The following RIN3 variants were observed in gnomAD, a reference collection of about 807,000 sequenced individuals.
RIN3 encodes Ras and Rab interactor 3.
A neutral mutation model predicts 76.3 loss-of-function variants in RIN3; 54 were observed. The ratio of observed to expected loss-of-function variants is 0.71; its 90% confidence interval spans 0.57 to 0.89. The LOEUF (loss-of-function observed/expected upper bound fraction) is 0.89. Among genes scored for constraint, RIN3 ranks in the 40% least tolerant of loss-of-function variants. The pLI is 0.00. For missense variants in RIN3, 1,256 were observed against 1,322.1 expected, an observed-to-expected ratio of 0.95 and a Z score of 0.78; for synonymous variants, 576 against 564.0, an observed-to-expected ratio of 1.02 and a Z score of -0.30.
chr14:92,688,209 G>A lies in RIN3; in HGVS notation c.2915G>A (p.Gly972Glu). Reference protein sequence around the residue: ...PLDGGGGGGGGSPPCLVVREP... With the variant: ...PLDGGGGGGGESPPCLVVREP... Reference sequence around the variant, plus strand: ...GACGGTGGTGGCGGCGGCGGCGGCGGGAGCCCGCCCTGCCTGGTGGTGCGG... The same window carrying A: ...GACGGTGGTGGCGGCGGCGGCGGCGAGAGCCCGCCCTGCCTGGTGGTGCGG... The change falls in exon 10 of 10, where the codon GGG becomes GAG. Residue 972 changes from glycine (G) to glutamate (E), a missense_variant. Physicochemically the swap from Gly to Glu is moderately conservative, Grantham distance 98. This residue lies in a region of RIN3 where 218 missense variants were observed against 174.5 expected (regional missense o/e 1.25). Transcript: ENST00000216487. 3.1e-6 allele frequency: 5 copies of A among 1,603,974 alleles called. No homozygotes were observed. Among genetic ancestry groups the A allele is most frequent in the Non-Finnish European group, 4.2e-6 (5 of 1,176,928 alleles).
chr14:92,575,065 C>T (rs927364619), intron 2 of RIN3, among the ~76,000 whole-genome samples: 1 of 152,092 alleles, frequency 6.6e-6, no homozygotes, highest in Non-Finnish European at 1.5e-5. Context: ...ATCATAGAAT[C>T]TAATGCACTA....
chr14:92,570,177 C>T (rs940751260), intron 2 of RIN3, among the ~76,000 whole-genome samples: 1 of 152,174 alleles, frequency 6.6e-6, no homozygotes, highest in African/African-American at 2.4e-5. Context: ...TAGGAGGGCT[C>T]CAGCCTCAGC....
chr14:92,607,624 A>G (rs1885574801), intron 3 of RIN3, among the ~76,000 whole-genome samples: 1 of 152,196 alleles, frequency 6.6e-6, no homozygotes, highest in Non-Finnish European at 1.5e-5. Flanking sequence ...AAGGATGGGA[A>G]ACTACAGATG....
In RIN3 at chr14:92,685,685, C is replaced by G. The variant is rs1482029813; in HGVS notation, c.2631+535C>G. 1.4e-5 allele frequency: 2 copies of G among 145,574 alleles called. No homozygotes were observed. Among genetic ancestry groups the G allele is most frequent in the African/African-American group, 5.1e-5 (2 of 38,840 alleles). 9.0% of individuals were successfully genotyped at this position (145,574 alleles called of 1,614,324 possible). ...CTCCATCACCCCACCCACCCCCAGG[C>G]TGCATCAAATCCAGCTGCCCCCAGT... On this transcript the variant is annotated intron_variant, in intron 9 of 9. Coordinates refer to ENST00000216487, the MANE Select transcript of RIN3 (RefSeq NM_024832.5). This position sits in a 1 kb window ranked among gnomAD's most constrained non-coding sequence, Gnocchi z 4.7.
Position 92,688,028 on chromosome 14 carries a change from A to G in RIN3, c.2734A>G (p.Lys912Glu). Residue 912 changes from lysine to glutamate, a missense_variant, in exon 10 of 10, where the codon AAG (lysine) becomes GAG (glutamate). This residue lies in a region of RIN3 where 218 missense variants were observed against 174.5 expected (regional missense o/e 1.25). Coordinates refer to ENST00000216487, the MANE Select transcript of RIN3 (RefSeq NM_024832.5). ...AQALCAQCAE[K>E]FAVERPQAHR... ...GGCGCTGTGCGCGCAGTGCGCGGAG[A>G]AGTTCGCGGTGGAGCGGCCGCAGGC... 6.3e-7 allele frequency: 1 copy of G among 1,592,214 alleles called. No individual in the cohort carries two copies. The highest frequency in any genetic ancestry group is 8.5e-7 in the Non-Finnish European group (1 of 1,170,988).
At chr14:92,673,743 T>G (rs1231660575) in intron 7 of RIN3, among the ~76,000 whole-genome samples, 2 of 152,212 alleles carry the variant, frequency 1.3e-5, no homozygotes, top group Non-Finnish European at 2.9e-5. Context: ...TGACCTCAGG[T>G]GATCCGCATG....
chr14:92,594,859 A>C (rs1885100823), intron 3 of RIN3, among the ~76,000 whole-genome samples: 1 of 152,222 alleles, frequency 6.6e-6, no homozygotes, highest in Non-Finnish European at 1.5e-5. Flanking sequence ...GGCAGAAAGA[A>C]GTTGGTGAGA....
intron 4 of RIN3, among the ~76,000 whole-genome samples, chr14:92,631,903 C>T (rs540785551): frequency 6.6e-6 from 1 of 152,116 alleles, no homozygotes; most frequent in African/African-American, 2.4e-5. Context: ...TGTCTCAGAC[C>T]GGGGTTTGAG....
intron 1 of RIN3, among the ~76,000 whole-genome samples, chr14:92,525,003 G>A (rs1005105482): frequency 6.6e-6 from 1 of 152,256 alleles, no homozygotes; most frequent in South Asian, 2.1e-4. Context: ...CTCCCAGGCT[G>A]TGTGAGGCCT....
chr14:92,640,751 CCTGA>C (rs1177658763), intron 4 of RIN3, among the ~76,000 whole-genome samples: 1 of 144,030 alleles, frequency 6.9e-6, no homozygotes, highest in South Asian at 2.2e-4. Flanking sequence ...CTGGGAGATG[CCTGA>C]CTGTGTGTTC....
intron 1 of RIN3, among the ~76,000 whole-genome samples, chr14:92,531,132 C>A (rs1208459129): frequency 6.6e-6 from 1 of 152,140 alleles, no homozygotes; most frequent in Non-Finnish European, 1.5e-5. Context: ...GCTACTGTAA[C>A]AAAATAGCAC....
At chr14:92,644,293 C>T (rs754384260) in intron 5 of RIN3, 1 of 152,200 alleles carries the variant, frequency 6.6e-6, no homozygotes, top group Non-Finnish European at 1.5e-5. Flanking sequence ...CATTGCTGCA[C>T]CTCTTGACCC....
intron 1 of RIN3, chr14:92,515,416 C>A (rs765153005): frequency 1.1e-5 from 6 of 541,364 alleles, no homozygotes; most frequent in Middle Eastern, 4.7e-4. Context: ...CTAGTGTGAT[C>A]CACTTCCTCT....
At chr14:92,634,068 C>CTTTTTTTTTTTTTTTTTTTTTTTTTTTT (rs6145445) in intron 4 of RIN3, among the ~76,000 whole-genome samples, 1 of 108,108 alleles carries the variant, frequency 9.3e-6, no homozygotes, top group African/African-American at 3.2e-5. Flanking sequence ...CTAAAAATCC[C>CTTTTTTTTTTTTTTTTTTTTTTTTTTTT]TTTTTTTTTT....
At chr14:92,654,051 T>C (rs1887571384) in intron 6 of RIN3, among the ~76,000 whole-genome samples, 1 of 150,970 alleles carries the variant, frequency 6.6e-6, no homozygotes, top group African/African-American at 2.4e-5. Flanking sequence ...TGGTGGCTCA[T>C]GCCTGTAATC....
intron 3 of RIN3, among the ~76,000 whole-genome samples, chr14:92,605,603 G>A (rs1338795035): frequency 6.6e-6 from 1 of 152,178 alleles, no homozygotes; most frequent in Non-Finnish European, 1.5e-5. Flanking sequence ...TGTAATGAAG[G>A]CATGTGTCAA....
intron 7 of RIN3, among the ~76,000 whole-genome samples, chr14:92,665,439 C>T (rs548003522): frequency 2.2e-5 from 3 of 136,858 alleles, no homozygotes; most frequent in Non-Finnish European, 3.0e-5. Context: ...AGTGCAGTGG[C>T]GCAATCTCGG....
chr14:92,521,139 C>T (rs558811124), intron 1 of RIN3, among the ~76,000 whole-genome samples: 11 of 152,052 alleles, frequency 7.2e-5, no homozygotes, highest in African/African-American at 2.7e-4. Flanking sequence ...CTTATCCACC[C>T]ATCCATCCAT....
At chr14:92,618,694 G>A (rs1406038857) in intron 4 of RIN3, among the ~76,000 whole-genome samples, 2 of 152,152 alleles carry the variant, frequency 1.3e-5, no homozygotes, top group African/African-American at 4.8e-5. Context: ...TGGCCTCCAG[G>A]TGACCAATTG....
Sources: allele counts gnomAD v4.1 joint callset (sites outside exome capture counted in the v4.1 genomes callset), GRCh38; gene constraint gnomAD v4.1.1; regional missense constraint gnomAD v4.1.1; non-coding constraint Gnocchi (gnomAD v3.1); transcripts MANE v1.5; gene names NCBI Gene and HGNC (gene_info 2026-07-23, HGNC 2026-07-21).